KIAA0930: variants seen among roughly 807,000 people sequenced by gnomAD.
The protein encoded by KIAA0930 is uncharacterized protein KIAA0930.
In KIAA0930, 24 loss-of-function variants were observed where a neutral mutation model predicts 43.9. The observed-to-expected ratio is 0.55, with a 90% confidence interval of 0.40 to 0.77. The LOEUF (loss-of-function observed/expected upper bound fraction) is 0.77. KIAA0930 is among the 30% of genes least tolerant of loss of function. KIAA0930 has a pLI of 0.00. For missense variants in KIAA0930, 461 were observed against 574.2 expected (o/e 0.80, Z 2.02); for synonymous variants, 259 against 216.4 (o/e 1.20, Z -1.73).
rs3215445 is a variant in KIAA0930, at chr22:45,234,999, CTTT to C, written c.64+5638_64+5640del. 6.1e-4 allele frequency among the ~76,000 whole-genome samples: 92 copies of C among 151,424 alleles called. 1 individual carries two copies. In the South Asian group the frequency reaches 0.014, roughly 24 times the overall value. ...TCTAGTTTCCGTAATGTGCATGTGA[CTTT>C]TTTTTTAATTAGAAAAAAATGTGTT... On this transcript the variant is annotated intron_variant, in intron 1 of 9. Transcript: ENST00000336156.
At chr22:45,212,422 A>AATC in intron 1 of KIAA0930, 1 of 1,524,450 alleles carries the variant, frequency 6.6e-7, no homozygotes, top group Non-Finnish European at 8.8e-7. Context: ...AATCCCGAGG[A>AATC]GCCAGGAACG....
intron 7 of KIAA0930, 193 bp downstream of exon 7, chr22:45,202,797 G>A: frequency 3.8e-6 from 2 of 527,740 alleles, no homozygotes; most frequent in Non-Finnish European, 6.6e-6. Flanking sequence ...CCCTGCGGCA[G>A]TGCCTCCTAC....
At chr22:45,208,343 G>C (rs1399732312) in intron 2 of KIAA0930, among the ~76,000 whole-genome samples, 1 of 150,022 alleles carries the variant, frequency 6.7e-6, no homozygotes, top group Non-Finnish European at 1.5e-5. Flanking sequence ...TGAGCTGTGA[G>C]AACAGGCAGA....
At chr22:45,197,360 C>T (rs371797912) in intron 9 of KIAA0930, 144 bp from the exon 10 acceptor site, 54 of 697,810 alleles carry the variant, frequency 7.7e-5, no homozygotes, top group East Asian at 3.4e-4. Flanking sequence ...GCAGAGGAGA[C>T]GTGTCTCCAC....
intron 1 of KIAA0930, among the ~76,000 whole-genome samples, chr22:45,217,245 C>G (rs1314773465): frequency 1.3e-5 from 2 of 151,258 alleles, no homozygotes; most frequent in Non-Finnish European, 2.9e-5. Context: ...CCTGTAATCC[C>G]AGCTATTTGG....
chr22:45,205,397 G>A, intron 4 of KIAA0930, 79 bp from the exon 5 acceptor site: 1 of 1,283,604 alleles, frequency 7.8e-7, no homozygotes, highest in Non-Finnish European at 1.1e-6. Context: ...CCAGTATAGG[G>A]AGGCCACCCG....
chr22:45,206,263 T>C (rs2083637099), intron 2 of KIAA0930, among the ~76,000 whole-genome samples: 3 of 152,130 alleles, frequency 2.0e-5, no homozygotes, highest in African/African-American at 7.2e-5. Flanking sequence ...GTGATCCTCC[T>C]GCCTCGACCT....
intron 2 of KIAA0930, chr22:45,207,604 G>A (rs11705584): frequency 0.15 from 24,678 of 167,150 alleles, 1,945 homozygotes; most frequent in Non-Finnish European, 0.18. Context: ...GATTACAGGC[G>A]TGAGCCACCG....
intron 1 of KIAA0930, among the ~76,000 whole-genome samples, chr22:45,227,172 AG>A (rs980480023): frequency 1.3e-5 from 2 of 152,216 alleles, no homozygotes; most frequent in African/African-American, 4.8e-5. Context: ...CACATGTACT[AG>A]GTGCAAGGCA....
intron 3 of KIAA0930, 23 bp downstream of exon 3, chr22:45,205,770 G>GGGGGCCCCCC: frequency 2.6e-6 from 4 of 1,523,744 alleles, no homozygotes; most frequent in Non-Finnish European, 3.6e-6. Context: ...CCAATCCGCA[G>GGGGGCCCCCC]CCCCACCCAT....
chr22:45,239,853 C>G (rs2083906388), intron 1 of KIAA0930, among the ~76,000 whole-genome samples: 1 of 152,034 alleles, frequency 6.6e-6, no homozygotes, highest in Non-Finnish European at 1.5e-5. Flanking sequence ...GAGAAAATGA[C>G]GAACCTGAGA....
chr22:45,198,397 G>A (rs1014587960), intron 8 of KIAA0930, among the ~76,000 whole-genome samples: 1 of 152,216 alleles, frequency 6.6e-6, no homozygotes, highest in African/African-American at 2.4e-5. Context: ...GCAGACTAGG[G>A]CAGTGATCAG....
chr22:45,203,102 C>T lies in KIAA0930; in HGVS notation c.740G>A (p.Gly247Asp). 1 of 1,613,838 alleles carries T rather than the reference C, an allele frequency of 6.2e-7. No individual in the cohort carries two copies. Among genetic ancestry groups the T allele is most frequent in the Non-Finnish European group, 8.5e-7 (1 of 1,179,874 alleles). The change falls in exon 7 of 10, where the codon GGC (glycine) becomes GAC (aspartate). Residue 247 changes from glycine to aspartate, a missense_variant. Physicochemically the swap from Gly to Asp is moderately conservative, Grantham distance 94. Transcript: ENST00000336156. ...CTCGGCGTGGCCCTTGCCCTGGGGG[C>T]CCTTCATGCGCACAAACTCCATGTT... ...YSNMEFVRMKGPQGKGHAEMA... is the reference protein window; with the variant it reads ...YSNMEFVRMKDPQGKGHAEMA...
chr22:45,213,593 T>A, intron 1 of KIAA0930: 1 of 681,618 alleles, frequency 1.5e-6, no homozygotes, highest in Non-Finnish European at 2.0e-6. Flanking sequence ...CTTGCAAAAT[T>A]AAGCAAAGCG....
chr22:45,199,962 C>T lies in KIAA0930; in HGVS notation c.926G>A (p.Arg309Lys). Residue 309 changes from arginine to lysine, a missense_variant, in exon 8 of 10, where the codon AGG (arginine) becomes AAG (lysine). By Grantham distance (26) the Arg-to-Lys change is conservative. Transcript: ENST00000336156. ...AGCGATCCGGTTCCGGGGCACCTTCCTCTTGAGGGATGGGGAGAAGAAGGC... is the reference window on the plus strand; with the variant it reads ...AGCGATCCGGTTCCGGGGCACCTTCTTCTTGAGGGATGGGGAGAAGAAGGC... ...RPAFFSPSLKRKVPRNRIAEM... is the reference protein window; with the variant it reads ...RPAFFSPSLKKKVPRNRIAEM... The T allele has an allele frequency of 6.2e-7, 1 of 1,609,982 alleles. No individual in the cohort carries two copies. The highest frequency in any genetic ancestry group is 8.5e-7 in the Non-Finnish European group (1 of 1,177,740).
chr22:45,221,562 C>T (rs1254820444), intron 1 of KIAA0930, among the ~76,000 whole-genome samples: 1 of 152,066 alleles, frequency 6.6e-6, no homozygotes, highest in Non-Finnish European at 1.5e-5. Context: ...CAATGCTATA[C>T]ATTTAGTTTC....
At chr22:45,226,204 C>A (rs1482193220) in intron 1 of KIAA0930, 1 of 469,770 alleles carries the variant, frequency 2.1e-6, no homozygotes. Context: ...TAGACTTGCA[C>A]AACGCTGTGA....
At chr22:45,213,453 C>A (rs148688332) in intron 1 of KIAA0930, 2 of 1,265,052 alleles carry the variant, frequency 1.6e-6, no homozygotes, top group African/African-American at 1.5e-5. Flanking sequence ...GGAGAGCCCA[C>A]GGGACTGGCA....
Position 45,206,456 on chromosome 22 carries a change from T to G in KIAA0930, c.217-544A>C, listed in dbSNP as rs116361015. Among the ~76,000 whole-genome samples, 1,077 of 152,350 alleles carry G rather than the reference T, an allele frequency of 7.1e-3. 10 individuals are homozygous for G. Among genetic ancestry groups the G allele is most frequent in the African/African-American group, 0.025 (1,019 of 41,576 alleles). Reference sequence around the variant, plus strand: ...TTCCCCTCAAAGTTGTCATAATGATTTAAAGAGCTCATATTTGCTAAGTGG... The same window carrying G: ...TTCCCCTCAAAGTTGTCATAATGATGTAAAGAGCTCATATTTGCTAAGTGG... On this transcript the variant is annotated intron_variant, in intron 2 of 9. Transcript: ENST00000336156.
Sources: allele counts gnomAD v4.1 joint callset (sites outside exome capture counted in the v4.1 genomes callset), GRCh38; gene constraint gnomAD v4.1.1; transcripts MANE v1.5; gene names NCBI Gene and HGNC (gene_info 2026-07-23, HGNC 2026-07-21).